The following CHD1L variants were observed in gnomAD, a reference collection of about 807,000 sequenced individuals.
CHD1L encodes the protein ATP-dependent chromatin remodeler CHD1L.
In CHD1L, 118 loss-of-function variants were observed where a neutral mutation model predicts 115.9. The observed-to-expected ratio is 1.02, with a 90% confidence interval of 0.88 to 1.19. The LOEUF (loss-of-function observed/expected upper bound fraction) is 1.19. CHD1L is among the 50% of genes most tolerant of loss of function. The pLI, the probability that CHD1L is intolerant of heterozygous loss-of-function variation, is 0.00. For synonymous variants in CHD1L, 411 were observed against 387.1 expected, an observed-to-expected ratio of 1.06 and a Z score of -0.72; for missense variants, 1,179 against 1,065.3, an observed-to-expected ratio of 1.11 and a Z score of -1.49.
At chr1:147,179,249 A>G in the CHD1L span, 1 of 1,612,622 alleles carries the variant, frequency 6.2e-7, no homozygotes, top group African/African-American at 1.3e-5. Flanking sequence ...GGGCCTGTGA[A>G]GGTAGTGGTA....
intron 20 of CHD1L, among the ~76,000 whole-genome samples, chr1:147,292,919 C>T (rs1686108649): frequency 6.6e-6 from 1 of 152,220 alleles, no homozygotes; most frequent in African/African-American, 2.4e-5. Context: ...GGACACACAT[C>T]CAAACTACAC....
intron 6 of CHD1L, among the ~76,000 whole-genome samples, chr1:147,262,299 G>T (rs587683147): frequency 3.6e-4 from 55 of 152,152 alleles, no homozygotes; most frequent in African/African-American, 1.2e-3. Context: ...AAAAGGTAAG[G>T]CTACCAAGAA....
chr1:147,249,404 A>ATTTTTTT lies in CHD1L; in HGVS notation c.128-3205_128-3199dup, dbSNP rs59773572. The stretch of plus-strand genomic sequence containing the variant: ...TTAATAATTACATATCTTGGTGTGT[A>ATTTTTTT]TTTTTTTTTTTTTTTTTTTTGAGAT... On this transcript the variant is annotated intron_variant, in intron 1 of 22. Transcript: ENST00000369258. Among the ~76,000 whole-genome samples the ATTTTTTT allele has an allele frequency of 3.3e-3, 314 of 94,160 alleles. 16 individuals are homozygous for ATTTTTTT. Among genetic ancestry groups the ATTTTTTT allele is most frequent in the Middle Eastern group, 0.014 (1 of 70 alleles). 61.8% of individuals were successfully genotyped at this position (94,160 alleles called of 152,430 possible). A position where few individuals can be genotyped will look rare whatever the true frequency, so the allele number is the denominator to read the frequency against.
upstream of CHD1L, among the ~76,000 whole-genome samples, chr1:147,241,063 C>A (rs1422301664): frequency 1.3e-5 from 2 of 152,134 alleles, no homozygotes; most frequent in Admixed American, 6.6e-5. Context: ...CAGGCCACCC[C>A]TTCACTACCT....
the CHD1L span, among the ~76,000 whole-genome samples, chr1:147,206,463 C>A: frequency 6.6e-6 from 1 of 152,140 alleles, no homozygotes; most frequent in African/African-American, 2.4e-5. Context: ...CACATGCACA[C>A]GTATGTTTAT....
At chr1:147,233,779 T>A in the CHD1L span, among the ~76,000 whole-genome samples, 1 of 151,948 alleles carries the variant, frequency 6.6e-6, no homozygotes, top group African/African-American at 2.4e-5. Flanking sequence ...GGGATCCTGT[T>A]GATCTGTGAC....
chr1:147,230,697 G>A, the CHD1L span, among the ~76,000 whole-genome samples: 4 of 147,428 alleles, frequency 2.7e-5, no homozygotes, highest in Non-Finnish European at 4.4e-5. Context: ...GCCTGTTATC[G>A]GTCTATTCAG....
chr1:147,273,984 G>T (rs968173208), intron 12 of CHD1L, among the ~76,000 whole-genome samples: 2 of 152,126 alleles, frequency 1.3e-5, no homozygotes, highest in Non-Finnish European at 2.9e-5. Flanking sequence ...CTCACCCCTC[G>T]GTGAAGAGCT....
At chr1:147,264,792 G>C (rs1350457042) in intron 7 of CHD1L, among the ~76,000 whole-genome samples, 1 of 152,184 alleles carries the variant, frequency 6.6e-6, no homozygotes, top group Admixed American at 6.5e-5. Flanking sequence ...TTTGCTATTT[G>C]ATTCTGCAGT....
At chr1:147,178,876 A>G in the CHD1L span, 1 of 1,576,754 alleles carries the variant, frequency 6.3e-7, no homozygotes, top group Non-Finnish European at 8.7e-7. Context: ...TAAAGATTTG[A>G]TACAGGGCAA....
chr1:147,235,093 G>A, the CHD1L span, among the ~76,000 whole-genome samples: 3 of 146,074 alleles, frequency 2.1e-5, no homozygotes, highest in Non-Finnish European at 4.5e-5. Flanking sequence ...CACACTGTGT[G>A]TGTGTGTGTG....
chr1:147,286,367 C>T lies in CHD1L; in HGVS notation c.2088C>T (p.Asp696=), dbSNP rs1159841268. The T allele has an allele frequency of 1.2e-6, 2 of 1,614,164 alleles. No homozygotes were observed. The highest frequency in any genetic ancestry group is 2.2e-5 in the South Asian group (2 of 91,088). The part of the protein sequence containing the change: ...CLPSEESEPE[D]LENGEESSAE... ...CCTCTGAGGAGAGCGAGCCAGAGGA[C>T]CTTGAGAATGGGGAAGAGAGCTCTG... The change falls in exon 18 of 23, where the codon GAC becomes GAT. Residue 696 remains aspartate (D), a synonymous_variant. Transcript: ENST00000369258.
intron 20 of CHD1L, 125 bp downstream of exon 20, chr1:147,291,677 G>T (rs1292137240): frequency 6.9e-6 from 5 of 728,336 alleles, no homozygotes; most frequent in Non-Finnish European, 1.2e-5. Context: ...ATAACAAAAA[G>T]ACACAGACTA....
At chr1:147,255,747 C>T in intron 3 of CHD1L, 66 bp from the exon 4 acceptor site, 1 of 1,119,640 alleles carries the variant, frequency 8.9e-7, no homozygotes, top group Non-Finnish European at 1.3e-6. Context: ...TGTAATTTTC[C>T]AGATATGCAC....
In CHD1L at chr1:147,287,617, TTC is replaced by T. The variant is rs113159624; in HGVS notation, c.2222-14_2222-13del. On this transcript the variant is annotated splice_polypyrimidine_tract_variant and intron_variant, in intron 18 of 22. Transcript: ENST00000369258. Reference sequence around the variant, plus strand: ...ACTTCACCTCCTATAGATGAAAATTTTCTCTTTCTTCAAACAGATGACTCTGG... The same window carrying T: ...ACTTCACCTCCTATAGATGAAAATTTTCTTTCTTCAAACAGATGACTCTGG... The T allele has an allele frequency of 2.5e-5, 40 of 1,603,756 alleles. No homozygotes were observed. In the African/African-American group the frequency reaches 3.4e-4, roughly 13 times the overall value.
At chr1:147,215,911 T>G in the CHD1L span, 3 of 1,612,056 alleles carry the variant, frequency 1.9e-6, no homozygotes, top group Non-Finnish European at 2.5e-6. Flanking sequence ...CACTGATTTG[T>G]AAATACTGGC....
rs587627300 is a variant in CHD1L at position 147,288,113 on chromosome 1, C to A, written c.2320+380C>A. Among the ~76,000 whole-genome samples the A allele has an allele frequency of 5.9e-5, 9 of 151,908 alleles. No homozygotes were observed. The South Asian group carries it at 1.7e-3, about 28-fold the overall frequency. On this transcript the variant is annotated intron_variant, in intron 19 of 22. Transcript: ENST00000369258. ...GCTGAGGCAGGAGGATTGCTTGAGG[C>A]CAGGAGTTTGAGACCAGCTTGGGCA...
chr1:147,284,166 T>A (rs587606963), intron 15 of CHD1L, among the ~76,000 whole-genome samples, 185 bp from the exon 16 acceptor site: 1 of 152,216 alleles, frequency 6.6e-6, no homozygotes, highest in East Asian at 1.9e-4. Context: ...ACACATGGGA[T>A]CCCCATGTAG....
At position 147,267,408 on chromosome 1, in the gene CHD1L, T is replaced by TC; in HGVS notation, c.896-18_896-17insC. The TC allele has an allele frequency of 7.5e-7, 1 of 1,331,990 alleles. No individual in the cohort carries two copies. The highest frequency in any genetic ancestry group is 1.4e-5 in the African/African-American group (1 of 69,590). 82.5% of individuals were successfully genotyped at this position (1,331,990 alleles called of 1,614,324 possible). On this transcript the variant is annotated splice_polypyrimidine_tract_variant and intron_variant, in intron 8 of 22. Coordinates refer to ENST00000369258, the MANE Select transcript of CHD1L (RefSeq NM_004284.6). ...TAGGCCATCTCTTTCTGTCTCTCTC[T>TC]TTTTTTTTAAATTTCAGATGCATTT...
Sources: allele counts gnomAD v4.1 joint callset (sites outside exome capture counted in the v4.1 genomes callset), GRCh38; gene constraint gnomAD v4.1.1; transcripts MANE v1.5; gene names NCBI Gene and HGNC (gene_info 2026-07-23, HGNC 2026-07-21).